MRTFB: variants seen among roughly 807,000 people sequenced by gnomAD.
The protein encoded by MRTFB is myocardin related transcription factor B, also known as myocardin-related transcription factor B.
Under a neutral mutation model 104.2 loss-of-function variants are expected in MRTFB, and 29 were observed. The ratio of observed to expected loss-of-function variants is 0.28; its 90% CI spans 0.21 to 0.38. The LOEUF (loss-of-function observed/expected upper bound fraction) is 0.38, where lower values mean the gene tolerates loss of function less well. Ranked by LOEUF, MRTFB falls within the 10% of genes least tolerant of loss-of-function variation. The probability of loss-of-function intolerance (pLI) is 1.00; values close to 1 mark genes in which losing one functional copy is unlikely to be tolerated. For synonymous variants in MRTFB, 535 were observed against 519.5 expected (o/e 1.03, Z -0.41); for missense variants, 1,270 against 1,341.6 (o/e 0.95, Z 0.83).
At position 14,246,368 on chromosome 16, in the gene MRTFB, G is replaced by A. The variant is rs535886623; in HGVS notation, c.1213-105G>A. ...GTTCTACTTTCAGGTGTGCCGTAAC[G>A]CAGAGTTGTCTGACAGACATAGGCA... On this transcript the variant is annotated intron_variant, in intron 11 of 16. Coordinates refer to ENST00000571589, the MANE Select transcript of MRTFB (RefSeq NM_001308142.2). The A allele has an allele frequency of 1.7e-4, 190 of 1,088,190 alleles. 2 individuals carry two copies. In the South Asian group the frequency reaches 2.8e-3, roughly 16 times the overall value. The allele number at this position is 1,088,190 out of a possible 1,614,324, so 67.4% of individuals were successfully genotyped here. A position where few individuals can be genotyped will look rare whatever the true frequency, so the allele number is the denominator to read the frequency against.
At chr16:14,061,566 C>CT in the MRTFB span, among the ~76,000 whole-genome samples, 16,398 of 102,580 alleles carry the variant, frequency 0.16, 3,152 homozygotes, top group African/African-American at 0.45. Flanking sequence ...TCAAGGTCAT[C>CT]TTTTTTTTTT....
intron 3 of MRTFB, among the ~76,000 whole-genome samples, chr16:14,160,985 G>A (rs778175719): frequency 6.6e-6 from 1 of 151,142 alleles, no homozygotes; most frequent in South Asian, 2.1e-4. Flanking sequence ...TTTTAGTGAG[G>A]AATAATATTT....
chr16:14,009,327 T>C, the MRTFB span: 5 of 152,208 alleles, frequency 3.3e-5, no homozygotes, highest in African/African-American at 1.2e-4. Context: ...TTTCAACATA[T>C]AGAAGAACTA....
the MRTFB span, among the ~76,000 whole-genome samples, chr16:14,014,800 C>T: frequency 2.0e-5 from 3 of 152,236 alleles, no homozygotes; most frequent in Middle Eastern, 3.4e-3. Context: ...ACCCAGAAGG[C>T]GGAGGTTGTA....
chr16:14,034,135 G>A, the MRTFB span, among the ~76,000 whole-genome samples: 1 of 152,208 alleles, frequency 6.6e-6, no homozygotes, highest in Non-Finnish European at 1.5e-5. Context: ...TGTGTAGTTT[G>A]TTAAGGCTGC....
intron 3 of MRTFB, among the ~76,000 whole-genome samples, chr16:14,183,799 A>G (rs1426708502): frequency 6.6e-6 from 1 of 152,182 alleles, no homozygotes; most frequent in African/African-American, 2.4e-5. Flanking sequence ...GAGAACTACA[A>G]AGACACAACT....
chr16:14,211,090 A>G (rs1189429104), intron 4 of MRTFB, among the ~76,000 whole-genome samples: 1 of 152,206 alleles, frequency 6.6e-6, no homozygotes, highest in East Asian at 1.9e-4. Context: ...CAGTCTTCTG[A>G]ATCATGGCTA....
chr16:14,029,192 T>G, the MRTFB span, among the ~76,000 whole-genome samples: 1 of 151,214 alleles, frequency 6.6e-6, no homozygotes, highest in African/African-American at 2.4e-5. Flanking sequence ...TCCCAGCTAC[T>G]TGGGAGGCTC....
chr16:14,015,281 T>C, the MRTFB span, among the ~76,000 whole-genome samples: 8 of 152,250 alleles, frequency 5.3e-5, no homozygotes, highest in African/African-American at 1.9e-4. Context: ...ACTATCCGCT[T>C]AGAGTTCTGT....
rs754671358 is a variant in MRTFB, at chr16:14,246,771, C to G, written c.1511C>G (p.Pro504Arg). 6 of 1,614,074 alleles carry G rather than the reference C, an allele frequency of 3.7e-6. No individual in the cohort carries two copies. Among genetic ancestry groups the G allele is most frequent in the Admixed American group, 1.7e-5 (1 of 60,036 alleles). ...TRVENVHSPL[P>R]ISPSPSEQSS... Reference sequence around the variant, plus strand: ...GTGGAAAATGTTCATTCCCCTCTGCCCATTTCACCATCTCCCTCCGAACAG... The same window carrying G: ...GTGGAAAATGTTCATTCCCCTCTGCGCATTTCACCATCTCCCTCCGAACAG... Residue 504 changes from proline (P) to arginine (R), a missense_variant, in exon 12 of 17, where the codon CCC (proline) becomes CGC (arginine). Transcript: ENST00000571589.
the MRTFB span, among the ~76,000 whole-genome samples, chr16:14,002,378 G>A: frequency 2.0e-5 from 3 of 151,288 alleles, no homozygotes; most frequent in East Asian, 1.9e-4. Context: ...GCAAGACTCC[G>A]TCCGGGAAAA....
chr16:14,035,000 A>C, the MRTFB span, among the ~76,000 whole-genome samples: 1 of 152,110 alleles, frequency 6.6e-6, no homozygotes, highest in Non-Finnish European at 1.5e-5. Flanking sequence ...GGGTATGTCT[A>C]TGTCTTCCTC....
At chr16:14,018,074 A>G in the MRTFB span, among the ~76,000 whole-genome samples, 1 of 152,012 alleles carries the variant, frequency 6.6e-6, no homozygotes, top group Non-Finnish European at 1.5e-5. Flanking sequence ...ACACTCTTGT[A>G]TCCACATAAA....
intron 13 of MRTFB, among the ~76,000 whole-genome samples, chr16:14,251,376 C>CAA (rs776143724): frequency 0.051 from 2,122 of 41,532 alleles, 120 homozygotes; most frequent in African/African-American, 0.12. Context: ...GACTCCGTCT[C>CAA]AAAAAAAAAA....
Position 14,118,989 on chromosome 16 carries a change from A to G in MRTFB, c.-63-21555A>G, listed in dbSNP as rs185345079. On this transcript the variant is annotated intron_variant, in intron 2 of 16. Transcript: ENST00000571589. ...CTACAGTTTATCCATTCTTCTGTCAATGAGAGGTTTTGGTTATTTTCAACA... is the reference window on the plus strand; with the variant it reads ...CTACAGTTTATCCATTCTTCTGTCAGTGAGAGGTTTTGGTTATTTTCAACA... 1.1e-3 allele frequency among the ~76,000 whole-genome samples: 160 copies of G among 152,232 alleles called. 1 individual carries two copies. The highest frequency in any genetic ancestry group is 1.8e-3 in the Non-Finnish European group (123 of 68,028).
the MRTFB span, among the ~76,000 whole-genome samples, chr16:14,012,588 G>A: frequency 0.016 from 2,484 of 152,112 alleles, 56 homozygotes; most frequent in African/African-American, 0.057. Context: ...GTGAGCCACC[G>A]CGCCCGGCTG....
chr16:14,111,368 T>C (rs967784554), intron 2 of MRTFB, among the ~76,000 whole-genome samples: 3 of 151,592 alleles, frequency 2.0e-5, no homozygotes, highest in Admixed American at 6.6e-5. Context: ...CTTAATAAAA[T>C]AGAAGCCAAG....
At chr16:14,118,065 T>C (rs1223785870) in intron 2 of MRTFB, among the ~76,000 whole-genome samples, 1 of 151,518 alleles carries the variant, frequency 6.6e-6, no homozygotes, top group East Asian at 1.9e-4. Flanking sequence ...GAATAGAACA[T>C]TGCACATAGA....
the MRTFB span, among the ~76,000 whole-genome samples, chr16:14,026,964 A>G: frequency 6.6e-6 from 1 of 152,260 alleles, no homozygotes; most frequent in Non-Finnish European, 1.5e-5. Context: ...AATGTAAAGT[A>G]GTACAGAAAC....
Sources: allele counts gnomAD v4.1 joint callset (sites outside exome capture counted in the v4.1 genomes callset), GRCh38; gene constraint gnomAD v4.1.1; transcripts MANE v1.5; gene names NCBI Gene and HGNC (gene_info 2026-07-23, HGNC 2026-07-21).